ST6GALNAC3: variants seen among roughly 807,000 people sequenced by gnomAD.
ST6GALNAC3 encodes the protein ST6 N-acetylgalactosaminide alpha-2,6-sialyltransferase 3, also known as alpha-N-acetylgalactosaminide alpha-2,6-sialyltransferase 3.
ST6GALNAC3 carries 25 observed loss-of-function variants against 32.7 expected under a neutral mutation model. The ratio of observed to expected loss-of-function variants is 0.76; its 90% CI spans 0.56 to 1.07. ST6GALNAC3 has a LOEUF of 1.07. Ranked by LOEUF, ST6GALNAC3 falls within the 50% of genes least tolerant of loss-of-function variation. ST6GALNAC3 has a pLI of 0.00. For missense variants in ST6GALNAC3, 355 were observed against 382.4 expected, an observed-to-expected ratio of 0.93 and a Z score of 0.60; for synonymous variants, 129 against 133.1, an observed-to-expected ratio of 0.97 and a Z score of 0.21.
intron 3 of ST6GALNAC3, among the ~76,000 whole-genome samples, chr1:76,533,222 T>A (rs1438385939): frequency 6.6e-6 from 1 of 152,186 alleles, no homozygotes; most frequent in Non-Finnish European, 1.5e-5. Context: ...CCATGGCTAC[T>A]CTGAAGCAAA....
chr1:76,407,363 C>G (rs749653727), intron 2 of ST6GALNAC3, among the ~76,000 whole-genome samples: 1 of 152,042 alleles, frequency 6.6e-6, no homozygotes, highest in Non-Finnish European at 1.5e-5. Context: ...TCCTCCCAAG[C>G]TGATTGTTTT....
intron 2 of ST6GALNAC3, among the ~76,000 whole-genome samples, chr1:76,349,369 A>G (rs1648790171): frequency 6.6e-6 from 1 of 152,134 alleles, no homozygotes; most frequent in African/African-American, 2.4e-5. Flanking sequence ...TTTTGCATGC[A>G]CTGCTTTCCA....
chr1:76,347,035 C>T (rs1242267472), intron 2 of ST6GALNAC3, among the ~76,000 whole-genome samples: 1 of 151,938 alleles, frequency 6.6e-6, no homozygotes, highest in Admixed American at 6.6e-5. Flanking sequence ...TACTGCATAT[C>T]CTTTCACTGT....
At chr1:76,452,022 TCTC>T (rs1657439358) in intron 3 of ST6GALNAC3, among the ~76,000 whole-genome samples, 1 of 152,178 alleles carries the variant, frequency 6.6e-6, no homozygotes, top group Non-Finnish European at 1.5e-5. Context: ...GCTTTCAACT[TCTC>T]CTTGTTAAGT....
At chr1:76,203,989 AAC>A (rs1451354545) in intron 1 of ST6GALNAC3, among the ~76,000 whole-genome samples, 2 of 152,178 alleles carry the variant, frequency 1.3e-5, no homozygotes, top group Non-Finnish European at 2.9e-5. Flanking sequence ...TTTTCTATCA[AAC>A]AGGGTGTTTA....
chr1:76,295,684 A>C (rs1647895084), intron 1 of ST6GALNAC3, among the ~76,000 whole-genome samples: 1 of 152,108 alleles, frequency 6.6e-6, no homozygotes, highest in African/African-American at 2.4e-5. Flanking sequence ...AGGATCCTTC[A>C]TGAGGAAATG....
At chr1:76,252,441 C>G (rs1387516839) in intron 1 of ST6GALNAC3, among the ~76,000 whole-genome samples, 1 of 152,100 alleles carries the variant, frequency 6.6e-6, no homozygotes, top group Non-Finnish European at 1.5e-5. Context: ...CAAGTGGGAG[C>G]TATTTCATGT....
At chr1:76,294,918 T>C (rs1404265982) in intron 1 of ST6GALNAC3, among the ~76,000 whole-genome samples, 1 of 152,148 alleles carries the variant, frequency 6.6e-6, no homozygotes, top group East Asian at 1.9e-4. Context: ...CAAATTTCCA[T>C]AATTTGTGAT....
At chr1:76,602,357 A>G (rs1266410183) in intron 3 of ST6GALNAC3, among the ~76,000 whole-genome samples, 1 of 151,996 alleles carries the variant, frequency 6.6e-6, no homozygotes, top group Non-Finnish European at 1.5e-5. Context: ...GTGCCTGTGC[A>G]TGTAGAAGAA....
At chr1:76,572,267 T>C (rs1646713531) in intron 3 of ST6GALNAC3, among the ~76,000 whole-genome samples, 1 of 152,146 alleles carries the variant, frequency 6.6e-6, no homozygotes, top group African/African-American at 2.4e-5. Flanking sequence ...TATCCTTTCC[T>C]CTTTTCTAAT....
At chr1:76,521,310 C>T (rs969752228) in intron 3 of ST6GALNAC3, among the ~76,000 whole-genome samples, 11 of 151,560 alleles carry the variant, frequency 7.3e-5, no homozygotes, top group African/African-American at 1.9e-4. Flanking sequence ...CACACACACA[C>T]GCGCGTACAT....
chr1:76,453,698 A>G (rs916388064), intron 3 of ST6GALNAC3, among the ~76,000 whole-genome samples: 1 of 152,126 alleles, frequency 6.6e-6, no homozygotes, highest in African/African-American at 2.4e-5. Context: ...GTGGCCTGTC[A>G]TATGGTCTAT....
chr1:76,276,906 CAATT>C (rs1402712893), intron 1 of ST6GALNAC3, among the ~76,000 whole-genome samples: 4 of 152,148 alleles, frequency 2.6e-5, no homozygotes, highest in Non-Finnish European at 4.4e-5. Flanking sequence ...TTTGGCAAAT[CAATT>C]AGGCTGAGAA....
intron 2 of ST6GALNAC3, among the ~76,000 whole-genome samples, chr1:76,378,283 C>A (rs537157510): frequency 1.2e-4 from 18 of 152,288 alleles, no homozygotes; most frequent in African/African-American, 4.3e-4. Context: ...TCTTTCTAGG[C>A]ATCCTTGTTG....
chr1:76,363,420 G>A (rs1650121206), intron 2 of ST6GALNAC3, among the ~76,000 whole-genome samples: 1 of 152,140 alleles, frequency 6.6e-6, no homozygotes, highest in Non-Finnish European at 1.5e-5. Flanking sequence ...GGACTTCATT[G>A]TTCACATCAC....
intron 3 of ST6GALNAC3, among the ~76,000 whole-genome samples, chr1:76,551,125 A>G (rs974632662): frequency 3.3e-5 from 5 of 152,172 alleles, no homozygotes; most frequent in African/African-American, 1.2e-4. Flanking sequence ...TCATAGTGTG[A>G]GTATCAGCAT....
intron 3 of ST6GALNAC3, among the ~76,000 whole-genome samples, chr1:76,616,477 A>G (rs1648298730): frequency 6.6e-6 from 1 of 152,210 alleles, no homozygotes; most frequent in African/African-American, 2.4e-5. Context: ...GATGGAGCAG[A>G]TAGCTCCCCA....
chr1:76,411,471 A>G (rs1399845230), intron 2 of ST6GALNAC3, among the ~76,000 whole-genome samples: 1 of 152,132 alleles, frequency 6.6e-6, no homozygotes, highest in Non-Finnish European at 1.5e-5. Context: ...TATTTCTGCT[A>G]GCCTGGGACT....
At chr1:76,210,704 T>A (rs886861587) in intron 1 of ST6GALNAC3, among the ~76,000 whole-genome samples, 16 of 152,202 alleles carry the variant, frequency 1.1e-4, no homozygotes, top group Non-Finnish European at 5.9e-5. Flanking sequence ...TGTCCTCACA[T>A]GGACATGGAC....
Sources: gnomAD v4.1 joint callset for allele counts (sites outside exome capture counted in the v4.1 genomes callset) on GRCh38, gnomAD v4.1.1 for gene constraint, MANE v1.5 for transcripts, NCBI Gene and HGNC (gene_info 2026-07-23, HGNC 2026-07-21) for gene names.